PDE4D: variants seen among roughly 807,000 people sequenced by gnomAD.
PDE4D encodes 3',5'-cyclic-AMP phosphodiesterase 4D.
PDE4D carries 24 observed loss-of-function variants against 87.4 expected under a neutral mutation model. That is an observed-to-expected ratio of 0.27 (90% CI 0.20 to 0.39). PDE4D has a LOEUF of 0.39. PDE4D is among the 10% of genes least tolerant of loss of function. The pLI is 1.00. For synonymous variants in PDE4D, 384 were observed against 383.2 expected (o/e 1.00, Z -0.02); for missense variants, 714 against 1,041.0 (o/e 0.69, Z 4.32).
intron 2 of PDE4D, among the ~76,000 whole-genome samples, chr5:60,114,373 G>C (rs916290579): frequency 2.0e-5 from 3 of 152,014 alleles, no homozygotes; most frequent in Admixed American, 6.6e-5. Context: ...CTTGTAATTG[G>C]TCATTATGTG....
intron 3 of PDE4D, among the ~76,000 whole-genome samples, chr5:59,185,594 TATAATATAAAATGCTA>T (rs1742718725): frequency 6.6e-6 from 1 of 152,128 alleles, no homozygotes; most frequent in African/African-American, 2.4e-5. Context: ...TTTCAAATAG[TATAATATAAAATGCTA>T]ATAAAGCTCA....
At chr5:59,802,675 G>A (rs1325142716) in intron 1 of PDE4D, among the ~76,000 whole-genome samples, 2 of 152,086 alleles carry the variant, frequency 1.3e-5, no homozygotes, top group Non-Finnish European at 2.9e-5. Context: ...GGGATCACAG[G>A]TGTGAGCCAC....
At chr5:59,714,777 T>C (rs184633358) in intron 1 of PDE4D, among the ~76,000 whole-genome samples, 3 of 152,350 alleles carry the variant, frequency 2.0e-5, no homozygotes, top group African/African-American at 4.8e-5. Flanking sequence ...GATAATATTA[T>C]GTTAACCTCT....
intron 1 of PDE4D, among the ~76,000 whole-genome samples, chr5:60,370,463 G>A (rs1322921261): frequency 6.6e-6 from 1 of 152,146 alleles, no homozygotes; most frequent in East Asian, 1.9e-4. Flanking sequence ...CATGAAATTT[G>A]TGGGAAGATA....
At chr5:60,209,929 A>G (rs1397703047) in intron 1 of PDE4D, among the ~76,000 whole-genome samples, 1 of 152,194 alleles carries the variant, frequency 6.6e-6, no homozygotes, top group African/African-American at 2.4e-5. Context: ...AAGTAAGTAA[A>G]TTACTTATTT....
intron 2 of PDE4D, among the ~76,000 whole-genome samples, chr5:60,010,091 T>C (rs906260125): frequency 7.9e-5 from 12 of 152,172 alleles, no homozygotes; most frequent in African/African-American, 1.9e-4. Flanking sequence ...AGAAATACAA[T>C]TAATGTCCTA....
intron 1 of PDE4D, among the ~76,000 whole-genome samples, chr5:60,382,494 C>T (rs918903579): frequency 2.6e-4 from 40 of 152,170 alleles, no homozygotes; most frequent in African/African-American, 9.7e-4. Context: ...TTTGTTTCTG[C>T]TTCCTCCAGA....
chr5:59,489,634 C>T (rs979274781), intron 1 of PDE4D, among the ~76,000 whole-genome samples: 13 of 152,212 alleles, frequency 8.5e-5, no homozygotes, highest in East Asian at 3.9e-4. Context: ...TCAATGCTCT[C>T]AACATTTGAA....
intron 1 of PDE4D, among the ~76,000 whole-genome samples, chr5:59,445,547 C>T (rs1280927255): frequency 6.6e-6 from 1 of 152,312 alleles, no homozygotes; most frequent in South Asian, 2.1e-4. Context: ...AAGACTTCTA[C>T]ATGACCTTGA....
rs1429646230 is a variant in PDE4D at position 59,065,061 on chromosome 5, TATATATACACACACACACACACACACAC to T, written c.809-26118_809-26091del. Among the ~76,000 whole-genome samples the T allele has an allele frequency of 2.4e-4, 4 of 16,538 alleles. No homozygotes were observed. The East Asian group carries it at 6.3e-3, about 26-fold the overall frequency. The allele number at this position is 16,538 out of a possible 152,430, so 10.8% of individuals were successfully genotyped here. On this transcript the variant is annotated intron_variant, in intron 5 of 14. Transcript: ENST00000340635. The stretch of plus-strand genomic sequence containing the variant: ...ATGAATGGACAAAGGAAATGTGATA[TATATATACACACACACACACACACACAC>T]ACACACACACACACACACACACACA...
chr5:60,120,018 T>A (rs1481786713), intron 2 of PDE4D, among the ~76,000 whole-genome samples: 1 of 152,178 alleles, frequency 6.6e-6, no homozygotes, highest in Non-Finnish European at 1.5e-5. Flanking sequence ...ACTTGGCACT[T>A]CATCAATTAT....
chr5:59,131,002 A>C (rs979781705), intron 5 of PDE4D, among the ~76,000 whole-genome samples: 5 of 152,234 alleles, frequency 3.3e-5, no homozygotes, highest in African/African-American at 1.2e-4. Flanking sequence ...CTCAGCAGGC[A>C]GGGCTGTTAG....
chr5:60,315,916 A>C (rs1755535702), intron 1 of PDE4D, among the ~76,000 whole-genome samples: 1 of 152,154 alleles, frequency 6.6e-6, no homozygotes, highest in Non-Finnish European at 1.5e-5. Flanking sequence ...GAAGTCAGGT[A>C]GCGTGATGCT....
At chr5:59,103,297 C>T (rs1348618304) in intron 5 of PDE4D, among the ~76,000 whole-genome samples, 1 of 152,062 alleles carries the variant, frequency 6.6e-6, no homozygotes, top group Non-Finnish European at 1.5e-5. Flanking sequence ...CCAGAACATA[C>T]CTAATACTCA....
At chr5:59,725,721 T>C (rs1003914556) in intron 1 of PDE4D, among the ~76,000 whole-genome samples, 5 of 152,164 alleles carry the variant, frequency 3.3e-5, no homozygotes, top group African/African-American at 9.6e-5. Context: ...CATTAAAAAT[T>C]ACTTTGTGTT....
intron 1 of PDE4D, among the ~76,000 whole-genome samples, chr5:60,347,215 G>A (rs1758812430): frequency 6.6e-6 from 1 of 152,040 alleles, no homozygotes; most frequent in Non-Finnish European, 1.5e-5. Flanking sequence ...CAGGACATGG[G>A]CAGAAAGAAT....
chr5:59,244,829 T>C (rs1315781041), intron 1 of PDE4D, among the ~76,000 whole-genome samples: 3 of 150,760 alleles, frequency 2.0e-5, no homozygotes, highest in African/African-American at 4.9e-5. Flanking sequence ...TTGTGGGGTA[T>C]GTGTGTATAT....
intron 1 of PDE4D, among the ~76,000 whole-genome samples, chr5:60,365,088 T>C (rs1434915301): frequency 6.6e-6 from 1 of 152,200 alleles, no homozygotes; most frequent in African/African-American, 2.4e-5. Context: ...TTAAAACTCA[T>C]TAAAAGTAGA....
intron 1 of PDE4D, among the ~76,000 whole-genome samples, 158 bp from the exon 2 acceptor site, chr5:59,216,126 T>G (rs1751204339): frequency 6.6e-6 from 1 of 152,126 alleles, no homozygotes; most frequent in South Asian, 2.1e-4. Flanking sequence ...TTGAAATACA[T>G]AAAAGAAAAA....
Sources: gnomAD v4.1 joint callset for allele counts (sites outside exome capture counted in the v4.1 genomes callset) on GRCh38, gnomAD v4.1.1 for gene constraint, MANE v1.5 for transcripts, NCBI Gene and HGNC (gene_info 2026-07-23, HGNC 2026-07-21) for gene names.